The following CCDC149 variants were observed in gnomAD, a reference collection of about 807,000 sequenced individuals.
CCDC149 encodes coiled-coil domain-containing protein 149.
In CCDC149, 45 loss-of-function variants were observed where a neutral mutation model predicts 59.9. The ratio of observed to expected loss-of-function variants is 0.75; its 90% CI spans 0.59 to 0.96. The LOEUF is 0.96. Among genes scored for constraint, CCDC149 ranks in the 40% least tolerant of loss-of-function variants. The probability of loss-of-function intolerance (pLI) is 0.00; values close to 1 mark genes in which losing one functional copy is unlikely to be tolerated. For synonymous variants in CCDC149, 245 were observed against 260.6 expected (o/e 0.94, Z 0.58); for missense variants, 584 against 664.7 (o/e 0.88, Z 1.33).
chr4:24,927,010 C>A (rs1722451129), intron 1 of CCDC149, among the ~76,000 whole-genome samples: 1 of 152,152 alleles, frequency 6.6e-6, no homozygotes, highest in African/African-American at 2.4e-5. Flanking sequence ...CCCTTAAGAC[C>A]CCCAGCCTCC....
rs1252883290 is a variant in CCDC149, at chr4:24,861,213, A to C, written c.265-8034T>G. Among the ~76,000 whole-genome samples, 10 of 151,906 alleles carry C rather than the reference A, an allele frequency of 6.6e-5. No individual in the cohort carries two copies. In the South Asian group the frequency reaches 2.1e-3, roughly 32 times the overall value. ...AATTGCAAAAATATAGAACTAGCCC[A>C]AATGCCCATCAATCAATGAGCGAAT... On this transcript the variant is annotated intron_variant, in intron 3 of 12. Coordinates refer to ENST00000635206, the MANE Select transcript of CCDC149 (RefSeq NM_001330643.2).
chr4:24,901,521 C>T (rs769239489), intron 1 of CCDC149, among the ~76,000 whole-genome samples: 2 of 152,132 alleles, frequency 1.3e-5, no homozygotes, highest in East Asian at 1.9e-4. Context: ...CGAATTTCCC[C>T]GCACAGGAGA....
chr4:24,882,013 A>G (rs770141462), intron 1 of CCDC149, among the ~76,000 whole-genome samples: 5 of 152,226 alleles, frequency 3.3e-5, no homozygotes, highest in Admixed American at 1.3e-4. Context: ...CAGAATATTC[A>G]TGGAGTTGGT....
At chr4:24,874,166 C>T (rs1418389315) in intron 2 of CCDC149, among the ~76,000 whole-genome samples, 1 of 145,808 alleles carries the variant, frequency 6.9e-6, no homozygotes, top group African/African-American at 2.6e-5. Context: ...TCTCTGTGGG[C>T]AGAACAATCA....
chr4:24,968,840 A>T (rs1422271466), intron 1 of CCDC149, among the ~76,000 whole-genome samples: 1 of 152,242 alleles, frequency 6.6e-6, no homozygotes, highest in African/African-American at 2.4e-5. Context: ...AAAATACAGA[A>T]GTGGCTAGTT....
intron 1 of CCDC149, among the ~76,000 whole-genome samples, chr4:24,979,267 G>T (rs924583826): frequency 1.3e-5 from 2 of 152,194 alleles, no homozygotes; most frequent in Admixed American, 1.3e-4. Flanking sequence ...GGTATTTCCA[G>T]CTTGGGTGTA....
chr4:24,919,866 T>C (rs1722233580), intron 1 of CCDC149, among the ~76,000 whole-genome samples: 1 of 152,224 alleles, frequency 6.6e-6, no homozygotes, highest in South Asian at 2.1e-4. Flanking sequence ...GTGAAGGTGC[T>C]GTTATTATTA....
At chr4:24,900,058 C>T (rs895888248) in intron 1 of CCDC149, among the ~76,000 whole-genome samples, 8 of 152,200 alleles carry the variant, frequency 5.3e-5, no homozygotes, top group African/African-American at 1.7e-4. Flanking sequence ...GAACCCTCCT[C>T]AATCCTCCAA....
In CCDC149 at chr4:24,837,135, C is replaced by G; in HGVS notation, c.662+93G>C. The G allele has an allele frequency of 1.6e-6, 2 of 1,260,648 alleles. No homozygotes were observed. Among genetic ancestry groups the G allele is most frequent in the East Asian group, 2.5e-5 (1 of 40,798 alleles). 78.1% of individuals were successfully genotyped at this position (1,260,648 alleles called of 1,614,324 possible). ...CTTTTCACTTGTAAGGCAATTTTCT[C>G]CAAAATAAATAGGGCTGCAAATAAC... On this transcript the variant is annotated intron_variant, in intron 6 of 12. Coordinates refer to ENST00000635206, the MANE Select transcript of CCDC149 (RefSeq NM_001330643.2). The surrounding 1 kb of genome is among the most constrained non-coding windows in gnomAD (Gnocchi z 4.3).
At chr4:24,970,457 T>C (rs1723926706) in intron 1 of CCDC149, among the ~76,000 whole-genome samples, 1 of 152,124 alleles carries the variant, frequency 6.6e-6, no homozygotes, top group South Asian at 2.1e-4. Flanking sequence ...GCATTTATGA[T>C]GGGTGGGGCT....
chr4:24,979,858 C>T (rs1724394645), intron 1 of CCDC149, among the ~76,000 whole-genome samples: 2 of 152,080 alleles, frequency 1.3e-5, no homozygotes, highest in South Asian at 2.1e-4. Flanking sequence ...CACGTCAATG[C>T]GTCGATGTTA....
At chr4:24,936,310 A>G (rs1313794774) in intron 1 of CCDC149, among the ~76,000 whole-genome samples, 1 of 137,914 alleles carries the variant, frequency 7.3e-6, no homozygotes, top group Non-Finnish European at 1.6e-5. Context: ...ATATTGCCAC[A>G]TATTTTTATA....
chr4:24,864,022 G>A (rs1718535713), intron 3 of CCDC149, among the ~76,000 whole-genome samples: 1 of 152,206 alleles, frequency 6.6e-6, no homozygotes, highest in Non-Finnish European at 1.5e-5. Context: ...AGTAAAGAGT[G>A]CCTTGCTGAG....
chr4:24,885,140 C>T (rs1050396422), intron 1 of CCDC149, among the ~76,000 whole-genome samples: 19 of 152,220 alleles, frequency 1.2e-4, no homozygotes, highest in South Asian at 4.2e-4. Context: ...GAAAGACAGA[C>T]GGGTGGCCAG....
At chr4:24,804,274 C>T (rs1392629574), downstream of CCDC149, among the ~76,000 whole-genome samples, 2 of 152,044 alleles carry the variant, frequency 1.3e-5, no homozygotes, top group African/African-American at 2.4e-5. Context: ...AGGCAGATCA[C>T]GAGGTTGGGA....
intron 1 of CCDC149, among the ~76,000 whole-genome samples, chr4:24,906,410 A>ATTTTATTTT (rs1721534996): frequency 6.9e-6 from 1 of 145,164 alleles, no homozygotes; most frequent in Admixed American, 6.8e-5. Context: ...ATTTTATTTT[A>ATTTTATTTT]CTTTATTTGA....
chr4:24,883,325 A>C (rs1348112362), intron 1 of CCDC149, among the ~76,000 whole-genome samples: 1 of 152,064 alleles, frequency 6.6e-6, no homozygotes, highest in Non-Finnish European at 1.5e-5. Context: ...ATAAACACAC[A>C]CATATGCCTA....
At chr4:24,852,284 CCATACACACACACACACA>C (rs1464976848) in intron 4 of CCDC149, among the ~76,000 whole-genome samples, 31 of 109,370 alleles carry the variant, frequency 2.8e-4, no homozygotes, top group South Asian at 1.4e-3. Flanking sequence ...CTCCAACACA[CCATACACACACACACACA>C]CACACACACA....
At chr4:24,923,526 T>G (rs1159668590) in intron 1 of CCDC149, among the ~76,000 whole-genome samples, 2 of 152,110 alleles carry the variant, frequency 1.3e-5, no homozygotes, top group African/African-American at 4.8e-5. Context: ...GGAATCTAAG[T>G]GAAGGGTCAT....
Sources: allele counts gnomAD v4.1 joint callset (sites outside exome capture counted in the v4.1 genomes callset), GRCh38; gene constraint gnomAD v4.1.1; non-coding constraint Gnocchi (gnomAD v3.1); transcripts MANE v1.5; gene names NCBI Gene and HGNC (gene_info 2026-07-23, HGNC 2026-07-21).